RALGPS2: variants seen among roughly 807,000 people sequenced by gnomAD.
RALGPS2 encodes the protein ras-specific guanine nucleotide-releasing factor RalGPS2.
Under a neutral mutation model 86.8 loss-of-function variants are expected in RALGPS2, and 43 were observed. The ratio of observed to expected loss-of-function variants is 0.50; its 90% CI spans 0.39 to 0.64. The LOEUF (loss-of-function observed/expected upper bound fraction) is 0.64. Ranked by LOEUF, RALGPS2 falls within the 30% of genes least tolerant of loss-of-function variation. The pLI is 0.00. For missense variants in RALGPS2, 536 were observed against 694.6 expected (o/e 0.77, Z 2.57); for synonymous variants, 243 against 231.3 (o/e 1.05, Z -0.46).
rs779899547 is a variant in RALGPS2, at chr1:178,807,995, GA to G, written c.214-43del. 7 of 1,208,810 alleles carry G rather than the reference GA, an allele frequency of 5.8e-6. No individual in the cohort carries two copies. The East Asian group carries it at 1.4e-4, about 24-fold the overall frequency. The allele number at this position is 1,208,810 out of a possible 1,614,324, so 74.9% of individuals were successfully genotyped here. A position where few individuals can be genotyped will look rare whatever the true frequency, so the allele number is the denominator to read the frequency against. On this transcript the variant is annotated intron_variant, in intron 4 of 19. Coordinates refer to ENST00000367635, the MANE Select transcript of RALGPS2 (RefSeq NM_152663.5). ...ATGTTTTGAAAGCCTTAATCTGGCA[GA>G]AAAAAACTAGGCTATTACTTAAATT...
At chr1:178,766,012 A>G (rs1652488817) in intron 1 of RALGPS2, among the ~76,000 whole-genome samples, 1 of 152,184 alleles carries the variant, frequency 6.6e-6, no homozygotes, top group African/African-American at 2.4e-5. Context: ...CTGAGGCAAC[A>G]TTCATCCTCA....
chr1:178,794,078 T>G (rs1354860440), intron 4 of RALGPS2, among the ~76,000 whole-genome samples: 1 of 152,188 alleles, frequency 6.6e-6, no homozygotes, highest in African/African-American at 2.4e-5. Context: ...TCTCTTTTGA[T>G]CATGAAGGTT....
chr1:178,805,268 A>G (rs1654686870), intron 4 of RALGPS2, among the ~76,000 whole-genome samples: 1 of 148,162 alleles, frequency 6.7e-6, no homozygotes, highest in African/African-American at 2.6e-5. Flanking sequence ...GGTGTGCAGA[A>G]GCTCTTTAGT....
chr1:178,826,205 A>G (rs1031697190), intron 7 of RALGPS2, among the ~76,000 whole-genome samples: 1 of 152,204 alleles, frequency 6.6e-6, no homozygotes, highest in Non-Finnish European at 1.5e-5. Flanking sequence ...AGGATGCACA[A>G]TTTCACTGTT....
intron 4 of RALGPS2, among the ~76,000 whole-genome samples, chr1:178,798,879 G>T (rs1391466445): frequency 6.6e-6 from 1 of 152,168 alleles, no homozygotes; most frequent in African/African-American, 2.4e-5. Context: ...AGAATTTAAT[G>T]CCAGCAAAGG....
chr1:178,774,195 A>C (rs983010505), intron 1 of RALGPS2, among the ~76,000 whole-genome samples: 3 of 152,114 alleles, frequency 2.0e-5, no homozygotes, highest in African/African-American at 4.8e-5. Flanking sequence ...GAATTGCTTG[A>C]ACCTGGGAGG....
At chr1:178,781,609 G>T (rs1653399577) in intron 2 of RALGPS2, among the ~76,000 whole-genome samples, 1 of 151,844 alleles carries the variant, frequency 6.6e-6, no homozygotes, top group South Asian at 2.1e-4. Flanking sequence ...CCATTAAGAA[G>T]GAAAAAAGAG....
At chr1:178,765,661 A>G (rs1652467279) in intron 1 of RALGPS2, among the ~76,000 whole-genome samples, 1 of 152,208 alleles carries the variant, frequency 6.6e-6, no homozygotes, top group East Asian at 1.9e-4. Context: ...TTTTCCTAAT[A>G]AGCCTGAGAG....
intron 8 of RALGPS2, among the ~76,000 whole-genome samples, chr1:178,871,654 T>A (rs1658766281): frequency 6.6e-6 from 1 of 152,214 alleles, no homozygotes; most frequent in African/African-American, 2.4e-5. Flanking sequence ...TGAAATTCTT[T>A]CAGATGCTTA....
At chr1:178,758,724 C>T (rs1652075568) in intron 1 of RALGPS2, among the ~76,000 whole-genome samples, 2 of 152,146 alleles carry the variant, frequency 1.3e-5, no homozygotes, top group African/African-American at 4.8e-5. Context: ...TTGTAAATGA[C>T]AGGATCTCAG....
chr1:178,891,077 GTT>G, intron 14 of RALGPS2, among the ~76,000 whole-genome samples: 1 of 152,022 alleles, frequency 6.6e-6, no homozygotes, highest in East Asian at 1.9e-4. Context: ...ATGGTGGTGT[GTT>G]AAATAATCTG....
At chr1:178,818,745 A>G (rs1655355048) in intron 6 of RALGPS2, among the ~76,000 whole-genome samples, 1 of 152,224 alleles carries the variant, frequency 6.6e-6, no homozygotes, top group Admixed American at 6.5e-5. Flanking sequence ...CTAGCCTTGT[A>G]GAGATTCAGC....
chr1:178,737,285 G>T (rs529051872), intron 1 of RALGPS2, among the ~76,000 whole-genome samples: 9 of 152,112 alleles, frequency 5.9e-5, no homozygotes, highest in African/African-American at 1.7e-4. Flanking sequence ...TTGCTCTGTC[G>T]CCCAGGCTGA....
intron 2 of RALGPS2, among the ~76,000 whole-genome samples, chr1:178,779,522 A>T (rs374682251): frequency 2.6e-5 from 4 of 152,266 alleles, no homozygotes; most frequent in African/African-American, 9.6e-5. Flanking sequence ...TGTTATGTAG[A>T]TGATTTATTT....
intron 4 of RALGPS2, among the ~76,000 whole-genome samples, chr1:178,805,495 A>G (rs1431526940): frequency 6.6e-6 from 1 of 151,660 alleles, no homozygotes; most frequent in Non-Finnish European, 1.5e-5. Flanking sequence ...CTTTCTACAT[A>G]TGGCTAGCCA....
At position 178,920,365 on chromosome 1, in the gene RALGPS2, T is replaced by G. The variant is rs1207796832; in HGVS notation, c.*4006T>G. On this transcript the variant is annotated 3_prime_UTR_variant, in exon 20 of 20. Transcript: ENST00000367635. ...TTTCAGGTTATAGTGGGGAGAAAAT[T>G]TGGTCAGTGCCTTATTATTTGAAGA... 3 of 151,964 alleles carry G rather than the reference T, an allele frequency of 2.0e-5. No homozygotes were observed. Among genetic ancestry groups the G allele is most frequent in the Admixed American group, 2.0e-4 (3 of 15,240 alleles). The allele number at this position is 151,964 out of a possible 1,614,324, so 9.4% of individuals were successfully genotyped here.
At chr1:178,885,045 A>G (rs1659415203) in intron 11 of RALGPS2, 31 bp from the exon 12 acceptor site, 1 of 1,541,134 alleles carries the variant, frequency 6.5e-7, no homozygotes, top group African/African-American at 1.4e-5. Flanking sequence ...TAAAGTAATC[A>G]TTTGAAAATC....
rs985887020 is a variant in RALGPS2 at position 178,906,666 on chromosome 1, C to A, written c.1631-110C>A. The A allele has an allele frequency of 5.7e-5, 45 of 784,170 alleles. No individual in the cohort carries two copies. In the Middle Eastern group the frequency reaches 1.1e-3, roughly 19 times the overall value. 48.6% of individuals were successfully genotyped at this position (784,170 alleles called of 1,614,324 possible). On this transcript the variant is annotated intron_variant, in intron 18 of 19. Transcript: ENST00000367635. The stretch of plus-strand genomic sequence containing the variant: ...TAAAATGGAGGTGTTGAATAGAATT[C>A]TAAAACTGAAAACTCTAGTCATGTT...
Position 178,897,567 on chromosome 1 carries a change from T to A in RALGPS2, c.1432-97T>A, listed in dbSNP as rs139932158. The A allele has an allele frequency of 5.1e-6, 5 of 975,466 alleles. No individual in the cohort carries two copies. In the East Asian group the frequency reaches 1.2e-4, roughly 23 times the overall value. 60.4% of individuals were successfully genotyped at this position (975,466 alleles called of 1,614,324 possible). ...TCAACTCTGAGGTTAGGACTTTGGT[T>A]GAAGTGAAGTGGACTTGATCATTGG... On this transcript the variant is annotated intron_variant, in intron 16 of 19. Coordinates refer to ENST00000367635, the MANE Select transcript of RALGPS2 (RefSeq NM_152663.5).
Sources: gnomAD v4.1 joint callset for allele counts (sites outside exome capture counted in the v4.1 genomes callset) on GRCh38, gnomAD v4.1.1 for gene constraint, MANE v1.5 for transcripts, NCBI Gene and HGNC (gene_info 2026-07-23, HGNC 2026-07-21) for gene names.